Variants in ELOVL6 observed in about 807,000 individuals in gnomAD.
The protein encoded by ELOVL6 is very long chain fatty acid elongase 6.
Under a neutral mutation model 31.7 loss-of-function variants are expected in ELOVL6, and 8 were observed. The observed-to-expected ratio is 0.25, with a 90% CI of 0.15 to 0.45. The LOEUF (loss-of-function observed/expected upper bound fraction) is 0.45, where lower values mean the gene tolerates loss of function less well. ELOVL6 is among the 20% of genes least tolerant of loss of function. The pLI, the probability that ELOVL6 is intolerant of heterozygous loss-of-function variation, is 1.00. For missense variants in ELOVL6, 126 were observed against 326.4 expected (o/e 0.39, Z 4.73); for synonymous variants, 101 against 117.7 (o/e 0.86, Z 0.92).
intron 2 of ELOVL6, among the ~76,000 whole-genome samples, chr4:110,065,090 A>G (rs887161868): frequency 6.6e-6 from 1 of 152,210 alleles, no homozygotes; most frequent in African/African-American, 2.4e-5. Flanking sequence ...ACAAACATGA[A>G]AATAAATATA....
chr4:110,137,528 TA>T (rs1757843478), intron 1 of ELOVL6, among the ~76,000 whole-genome samples: 1 of 152,066 alleles, frequency 6.6e-6, no homozygotes, highest in Non-Finnish European at 1.5e-5. Flanking sequence ...TTGACTTTAC[TA>T]TAGATCTTAT....
intron 2 of ELOVL6, 183 bp from the exon 3 acceptor site, chr4:110,059,937 C>A: frequency 1.8e-6 from 1 of 542,444 alleles, no homozygotes; most frequent in Non-Finnish European, 3.2e-6. Context: ...GACTCAAGGG[C>A]TTTATTCTGA....
intron 1 of ELOVL6, among the ~76,000 whole-genome samples, chr4:110,192,454 T>G (rs1373452177): frequency 2.6e-5 from 4 of 152,106 alleles, no homozygotes; most frequent in Non-Finnish European, 5.9e-5. Context: ...TTTGACACAT[T>G]TAGAATCACC....
At chr4:110,153,096 C>A (rs1758325010) in intron 1 of ELOVL6, among the ~76,000 whole-genome samples, 1 of 152,126 alleles carries the variant, frequency 6.6e-6, no homozygotes, top group East Asian at 1.9e-4. Flanking sequence ...GATGATCAGG[C>A]AGCACAACCT....
At chr4:110,140,261 T>C (rs1199638665) in intron 1 of ELOVL6, among the ~76,000 whole-genome samples, 1 of 152,190 alleles carries the variant, frequency 6.6e-6, no homozygotes, top group African/African-American at 2.4e-5. Context: ...GGACATGGTT[T>C]ATTTCTGCAA....
At chr4:110,125,793 C>T (rs916189866) in intron 1 of ELOVL6, among the ~76,000 whole-genome samples, 1 of 150,698 alleles carries the variant, frequency 6.6e-6, no homozygotes, top group Non-Finnish European at 1.5e-5. Context: ...CACCACTGCA[C>T]TCTAGCCTGG....
chr4:110,157,309 G>A (rs1758476046), intron 1 of ELOVL6, among the ~76,000 whole-genome samples: 1 of 152,130 alleles, frequency 6.6e-6, no homozygotes, highest in Admixed American at 6.5e-5. Context: ...CTTTGAGCTG[G>A]TAAAATGCCA....
chr4:110,084,543 C>G (rs1278801226), intron 2 of ELOVL6, among the ~76,000 whole-genome samples: 2 of 67,646 alleles, frequency 3.0e-5, no homozygotes, highest in African/African-American at 9.8e-5. Flanking sequence ...CACACACACA[C>G]ACACACACAC....
intron 1 of ELOVL6, among the ~76,000 whole-genome samples, chr4:110,180,073 T>G (rs1238396070): frequency 6.6e-6 from 1 of 152,212 alleles, no homozygotes; most frequent in Admixed American, 6.5e-5. Context: ...AGGATGAGCC[T>G]TCTGTTACTT....
intron 1 of ELOVL6, among the ~76,000 whole-genome samples, chr4:110,155,139 TA>T (rs1301311966): frequency 2.0e-4 from 30 of 152,154 alleles, no homozygotes; most frequent in African/African-American, 7.0e-4. Flanking sequence ...TAACTAGTAA[TA>T]TATTTTTTAA....
chr4:110,052,524 A>G (rs1754862352), intron 3 of ELOVL6, among the ~76,000 whole-genome samples: 1 of 152,238 alleles, frequency 6.6e-6, no homozygotes, highest in Non-Finnish European at 1.5e-5. Context: ...TTAACTGAAA[A>G]GATTTCCAGG....
chr4:110,186,631 CTG>C (rs1001935565), intron 1 of ELOVL6, among the ~76,000 whole-genome samples: 1 of 151,308 alleles, frequency 6.6e-6, no homozygotes, highest in Non-Finnish European at 1.5e-5. Context: ...TGGTAAAACC[CTG>C]TCTCTACTAA....
chr4:110,079,877 A>T (rs1242759415), intron 2 of ELOVL6, among the ~76,000 whole-genome samples: 1 of 152,202 alleles, frequency 6.6e-6, no homozygotes, highest in Non-Finnish European at 1.5e-5. Context: ...GAGAAGAATC[A>T]AATAGATGCA....
chr4:110,129,056 C>CAAA (rs1189194997), intron 1 of ELOVL6, among the ~76,000 whole-genome samples: 2 of 152,314 alleles, frequency 1.3e-5, no homozygotes, highest in East Asian at 3.9e-4. Context: ...TTCAAAAGGA[C>CAAA]AGGCTTATCT....
intron 2 of ELOVL6, among the ~76,000 whole-genome samples, chr4:110,081,550 C>T (rs1755851985): frequency 6.6e-6 from 1 of 151,676 alleles, no homozygotes; most frequent in African/African-American, 2.4e-5. Flanking sequence ...ATGTATAAAG[C>T]TGAAACTGGA....
rs1419457978 is a variant in ELOVL6, at chr4:110,186,268, G to T, written c.89+11979C>A. Among the ~76,000 whole-genome samples, 4 of 152,002 alleles carry T rather than the reference G, an allele frequency of 2.6e-5. No homozygotes were observed. In the South Asian group the frequency reaches 8.3e-4, roughly 32 times the overall value. ...ACTTAACAAGTAGGTGACTATTCCT[G>T]CTGACCACCAACCCACACAAAAATG... On this transcript the variant is annotated intron_variant, in intron 1 of 3. Transcript: ENST00000302274.
Position 110,046,341 on chromosome 4 carries a change from AG to A in ELOVL6, c.*4996del, listed in dbSNP as rs1208518154. 1 of 152,194 alleles carries A rather than the reference AG, an allele frequency of 6.6e-6. No individual in the cohort carries two copies. The highest frequency in any genetic ancestry group is 2.4e-5 in the African/African-American group (1 of 41,450). The allele number at this position is 152,194 out of a possible 1,614,324, so 9.4% of individuals were successfully genotyped here. A position where few individuals can be genotyped will look rare whatever the true frequency, so the allele number is the denominator to read the frequency against. On this transcript the variant is annotated 3_prime_UTR_variant, in exon 4 of 4. Coordinates refer to ENST00000302274, the MANE Select transcript of ELOVL6 (RefSeq NM_024090.3). ...ACTTCAGAAGAGGTTACTACAATGC[AG>A]TGTTGGTTTGGACGTCTAGTGAAAT... is the stretch of plus-strand genomic sequence containing the variant.
At chr4:110,094,833 A>T in intron 2 of ELOVL6, among the ~76,000 whole-genome samples, 1 of 148,990 alleles carries the variant, frequency 6.7e-6, no homozygotes, top group East Asian at 1.9e-4. Context: ...AGAAATACAG[A>T]GTGAAAAAGT....
At chr4:110,116,221 T>C (rs926650424) in intron 1 of ELOVL6, among the ~76,000 whole-genome samples, 3 of 152,198 alleles carry the variant, frequency 2.0e-5, no homozygotes, top group Admixed American at 1.3e-4. Context: ...TCACAGAAGA[T>C]GGGCACATTT....
Sources: gnomAD v4.1 joint callset for allele counts (sites outside exome capture counted in the v4.1 genomes callset) on GRCh38, gnomAD v4.1.1 for gene constraint, MANE v1.5 for transcripts, NCBI Gene and HGNC (gene_info 2026-07-23, HGNC 2026-07-21) for gene names.